The following MTR variants were observed in gnomAD, a reference collection of about 807,000 sequenced individuals.
MTR encodes the protein methionine synthase.
Under a neutral mutation model 154.8 loss-of-function variants are expected in MTR, and 84 were observed. The ratio of observed to expected loss-of-function variants is 0.54; its 90% confidence interval spans 0.45 to 0.65. The LOEUF (loss-of-function observed/expected upper bound fraction) is 0.65, where lower values mean the gene tolerates loss of function less well. MTR is among the 30% of genes least tolerant of loss of function. The pLI is 0.00. For synonymous variants in MTR, 554 were observed against 553.9 expected, an observed-to-expected ratio of 1.00 and a Z score of 0.00; for missense variants, 1,275 against 1,570.2, an observed-to-expected ratio of 0.81 and a Z score of 3.18.
At chr1:236,805,945 G>A (rs1405903898) in intron 2 of MTR, among the ~76,000 whole-genome samples, 199 bp from the exon 3 acceptor site, 1 of 152,108 alleles carries the variant, frequency 6.6e-6, no homozygotes, top group Admixed American at 6.6e-5. Context: ...TTCAAGTTTC[G>A]TGTTTATTTA....
chr1:236,805,114 T>G (rs1277295944), intron 2 of MTR, among the ~76,000 whole-genome samples: 1 of 152,210 alleles, frequency 6.6e-6, no homozygotes, highest in Non-Finnish European at 1.5e-5. Flanking sequence ...TCCCAGTGCT[T>G]CTGCAACCAT....
intron 8 of MTR, among the ~76,000 whole-genome samples, chr1:236,821,892 T>C (rs1372065305): frequency 1.3e-5 from 2 of 152,240 alleles, no homozygotes; most frequent in African/African-American, 4.8e-5. Context: ...ATTTCTGGAC[T>C]CTATTCTGTT....
rs778549407 is a variant in MTR at position 236,889,323 on chromosome 1, C to T, written c.2994C>T (p.Asn998=). Residue 998 remains asparagine, a synonymous_variant, in exon 28 of 33, where the codon AAC becomes AAT. Coordinates refer to ENST00000366577, the MANE Select transcript of MTR (RefSeq NM_000254.3). The stretch of plus-strand genomic sequence containing the variant: ...ATCGAGGCTTTCCCAAGATATTTAA[C>T]GACAAAACAGTAGGTTAGTGCAGTA... The part of the protein sequence containing the change: ...YPNRGFPKIF[N]DKTVGGEARK... 6.8e-5 allele frequency: 109 copies of T among 1,614,080 alleles called. No homozygotes were observed. Among genetic ancestry groups the T allele is most frequent in the Admixed American group, 8.3e-5 (5 of 60,010 alleles).
At chr1:236,796,184 A>G (rs1221455395) in intron 1 of MTR, among the ~76,000 whole-genome samples, 1 of 152,174 alleles carries the variant, frequency 6.6e-6, no homozygotes, top group Non-Finnish European at 1.5e-5. Flanking sequence ...TAAAACTACT[A>G]CATGGAACTT....
Position 236,900,405 on chromosome 1 carries a change from C to A in MTR, c.*2761C>A. 1.3e-4 allele frequency: 1 copy of A among 7,474 alleles called. No individual in the cohort carries two copies. Among genetic ancestry groups the A allele is most frequent in the Non-Finnish European group, 2.3e-4 (1 of 4,290 alleles). The allele number at this position is 7,474 out of a possible 1,614,324, so 0.5% of individuals were successfully genotyped here. Reference sequence around the variant, plus strand: ...AGCATACGTATACAATAAAACTATGCTATTAAAAAAAAAGAAGGTAACTGA... The same window carrying A: ...AGCATACGTATACAATAAAACTATGATATTAAAAAAAAAGAAGGTAACTGA... On this transcript the variant is annotated 3_prime_UTR_variant, in exon 33 of 33. Coordinates refer to ENST00000366577, the MANE Select transcript of MTR (RefSeq NM_000254.3).
intron 8 of MTR, among the ~76,000 whole-genome samples, chr1:236,821,126 T>C (rs1269643681): frequency 6.6e-6 from 1 of 152,244 alleles, no homozygotes; most frequent in Non-Finnish European, 1.5e-5. Flanking sequence ...CTCACAGTTC[T>C]GGAGGCGGGG....
intron 21 of MTR, 120 bp downstream of exon 21, chr1:236,862,463 A>G: frequency 1.3e-6 from 1 of 773,742 alleles, no homozygotes; most frequent in Non-Finnish European, 2.3e-6. Flanking sequence ...AAAATAGAGA[A>G]ATGATCCCAC....
At chr1:236,838,254 G>A (rs1475291480) in intron 14 of MTR, among the ~76,000 whole-genome samples, 160 bp from the exon 15 acceptor site, 1 of 152,072 alleles carries the variant, frequency 6.6e-6, no homozygotes, top group Non-Finnish European at 1.5e-5. Context: ...AAGTATTTTG[G>A]GCTTAAAGAA....
rs1419866583 is a variant in MTR, at chr1:236,894,520, G to T, written c.3368G>T (p.Ser1123Ile). ...GAGGATGATGGTGACGACTACAGCAGCATCATGGTCAAGGCGCTGGGGGAC... is the reference window on the plus strand; with the variant it reads ...GAGGATGATGGTGACGACTACAGCATCATCATGGTCAAGGCGCTGGGGGAC... ...AYEDDGDDYS[S>I]IMVKALGDRL... is the part of the protein sequence containing the mutation. The change falls in exon 30 of 33, where the codon AGC becomes ATC. Residue 1123 changes from serine (S) to isoleucine (I), a missense_variant. Transcript: ENST00000366577. 1.9e-6 allele frequency: 3 copies of T among 1,614,194 alleles called. No individual in the cohort carries two copies. Among genetic ancestry groups the T allele is most frequent in the Non-Finnish European group, 2.5e-6 (3 of 1,180,044 alleles).
chr1:236,900,010 C>A lies in MTR; in HGVS notation c.*2366C>A. Reference sequence around the variant, plus strand: ...CCACTGCTTTAAAAAACAATTATCCCTTACAGACTTGAACATTTGCAGACG... The same window carrying A: ...CCACTGCTTTAAAAAACAATTATCCATTACAGACTTGAACATTTGCAGACG... On this transcript the variant is annotated 3_prime_UTR_variant, in exon 33 of 33. Transcript: ENST00000366577. The A allele has an allele frequency of 4.6e-6, 1 of 215,354 alleles. No individual in the cohort carries two copies. Among genetic ancestry groups the A allele is most frequent in the Non-Finnish European group, 9.7e-6 (1 of 103,460 alleles). The allele number at this position is 215,354 out of a possible 1,614,324, so 13.3% of individuals were successfully genotyped here. A position where few individuals can be genotyped will look rare whatever the true frequency, so the allele number is the denominator to read the frequency against.
chr1:236,876,524 GAATA>G (rs1221874632), intron 24 of MTR, among the ~76,000 whole-genome samples: 3 of 152,130 alleles, frequency 2.0e-5, no homozygotes, highest in African/African-American at 7.2e-5. Flanking sequence ...CTGTGAAGTA[GAATA>G]AATAAATATT....
chr1:236,860,091 A>G (rs1304916967), intron 19 of MTR, among the ~76,000 whole-genome samples, 169 bp downstream of exon 19: 1 of 14,414 alleles, frequency 6.9e-5, no homozygotes, highest in East Asian at 2.3e-3. Flanking sequence ...CCCCCCCCCC[A>G]CCATAGCACA....
At chr1:236,812,685 C>A in intron 5 of MTR, 53 bp from the exon 6 acceptor site, 1 of 1,397,754 alleles carries the variant, frequency 7.2e-7, no homozygotes, top group East Asian at 2.3e-5. Context: ...TACCCTAGGG[C>A]CATTCAGAGG....
At chr1:236,806,301 G>A in intron 3 of MTR, 68 bp downstream of exon 3, 1 of 1,265,702 alleles carries the variant, frequency 7.9e-7, no homozygotes, top group African/African-American at 1.5e-5. Flanking sequence ...AGTTGCTAGT[G>A]AGTAAAGCAC....
Position 236,889,303 on chromosome 1 carries a change from G to A in MTR, c.2974G>A (p.Gly992Ser). 1 of 1,614,196 alleles carries A rather than the reference G, an allele frequency of 6.2e-7. No individual in the cohort carries two copies. Among genetic ancestry groups the A allele is most frequent in the Admixed American group, 1.7e-5 (1 of 60,028 alleles). The change falls in exon 28 of 33, where the codon GGC becomes AGC. Residue 992 changes from glycine (G) to serine (S), a missense_variant. Transcript: ENST00000366577. ...GCTCCGGGGCAAGTACCCGAATCGA[G>A]GCTTTCCCAAGATATTTAACGACAA... ...WQLRGKYPNR[G>S]FPKIFNDKTV... is the part of the protein sequence containing the mutation.
intron 18 of MTR, among the ~76,000 whole-genome samples, chr1:236,854,651 A>T (rs535292836): frequency 6.6e-6 from 1 of 152,268 alleles, no homozygotes; most frequent in East Asian, 1.9e-4. Flanking sequence ...AACACATGAA[A>T]TGCTGTGTTT....
In MTR at chr1:236,819,365, C is replaced by T. The variant is rs184647821; in HGVS notation, c.764+2822C>T. On this transcript the variant is annotated intron_variant, in intron 8 of 32. Transcript: ENST00000366577. ...GAGACCACATAGTATGTAGCCTTTTCACATTGGCTTCTTTCACTTAGTGAT... is the reference window on the plus strand; with the variant it reads ...GAGACCACATAGTATGTAGCCTTTTTACATTGGCTTCTTTCACTTAGTGAT... Among the ~76,000 whole-genome samples the T allele has an allele frequency of 2.6e-3, 392 of 152,322 alleles. 3 individuals carry two copies. The highest frequency in any genetic ancestry group is 8.8e-3 in the African/African-American group (364 of 41,574).
intron 15 of MTR, among the ~76,000 whole-genome samples, chr1:236,843,287 A>T (rs2103199009): frequency 6.6e-6 from 1 of 152,194 alleles, no homozygotes; most frequent in East Asian, 1.9e-4. Context: ...GTAGGGGAAG[A>T]GTGTTCTTTG....
At chr1:236,859,465 C>A (rs1169087289) in intron 18 of MTR, among the ~76,000 whole-genome samples, 1 of 152,158 alleles carries the variant, frequency 6.6e-6, no homozygotes, top group African/African-American at 2.4e-5. Context: ...GGCCTCCCTG[C>A]ATCTGTTTTT....
Sources: allele counts gnomAD v4.1 joint callset (sites outside exome capture counted in the v4.1 genomes callset), GRCh38; gene constraint gnomAD v4.1.1; transcripts MANE v1.5; gene names NCBI Gene and HGNC (gene_info 2026-07-23, HGNC 2026-07-21).